Variants in JADE3 observed in about 807,000 individuals in gnomAD.
The protein encoded by JADE3 is protein Jade-3.
A neutral mutation model predicts 50.1 loss-of-function variants in JADE3; 2 were observed. That is an observed-to-expected ratio of 0.04 (90% CI 0.02 to 0.13). The LOEUF is 0.13. Ranked by LOEUF, JADE3 falls within the 10% of genes least tolerant of loss-of-function variation. The pLI is 1.00. For missense variants in JADE3, 475 were observed against 634.4 expected, an observed-to-expected ratio of 0.75 and a Z score of 2.70; for synonymous variants, 218 against 232.9, an observed-to-expected ratio of 0.94 and a Z score of 0.58.
At chrX:46,961,506 T>C (rs1336476192) in intron 1 of JADE3, among the ~76,000 whole-genome samples, 1 of 112,433 alleles carries the variant, frequency 8.9e-6, no homozygotes, top group African/African-American at 3.2e-5. Flanking sequence ...TTTTAATTTT[T>C]ATAGTTTTTC....
chrX:47,039,387 GTTCT>G (rs1355131224), intron 8 of JADE3, among the ~76,000 whole-genome samples: 4 of 83,132 alleles, frequency 4.8e-5, no homozygotes, highest in African/African-American at 7.0e-5. Context: ...CCAGGCCCAT[GTTCT>G]TTTTTTTTTT....
At chrX:47,051,120 G>T (rs1929494774) in intron 8 of JADE3, among the ~76,000 whole-genome samples, 1 of 110,342 alleles carries the variant, frequency 9.1e-6, no homozygotes, top group African/African-American at 3.3e-5. Context: ...AAGTGGAGGG[G>T]GAGGTGTATA....
chrX:47,038,000 AGTT>A (rs1408258593), intron 7 of JADE3, among the ~76,000 whole-genome samples: 1 of 110,210 alleles, frequency 9.1e-6, no homozygotes, highest in African/African-American at 3.3e-5. Flanking sequence ...CCTTGAGTTC[AGTT>A]GTTTTTATTT....
chrX:47,012,240 A>G (rs1207956616), intron 4 of JADE3, among the ~76,000 whole-genome samples: 20 of 111,138 alleles, frequency 1.8e-4, no homozygotes, highest in South Asian at 3.8e-4. Flanking sequence ...CTCCCATTCT[A>G]TTGATTCTCT....
At chrX:47,052,741 T>G (rs1308663816) in intron 8 of JADE3, among the ~76,000 whole-genome samples, 1 of 109,694 alleles carries the variant, frequency 9.1e-6, no homozygotes, top group Non-Finnish European at 1.9e-5. Flanking sequence ...GAAACTAAAT[T>G]TTTTAATTAT....
chrX:47,029,601 G>A (rs1392991730), intron 6 of JADE3, among the ~76,000 whole-genome samples: 1 of 111,806 alleles, frequency 8.9e-6, no homozygotes, highest in East Asian at 2.8e-4. Context: ...TAGAAACCAG[G>A]GCTTAAGATT....
intron 1 of JADE3, among the ~76,000 whole-genome samples, chrX:46,931,530 T>C (rs1451363492): frequency 6.4e-5 from 7 of 110,208 alleles, no homozygotes; most frequent in Non-Finnish European, 1.3e-4. Flanking sequence ...CAAGCGATTC[T>C]CCTGCCTCAG....
Position 47,059,381 on chromosome X carries a change from A to G in JADE3, c.*304A>G, listed in dbSNP as rs1283671944. The G allele has an allele frequency of 2.6e-5, 6 of 233,298 alleles. No individual in the cohort carries two copies. In the Admixed American group the frequency reaches 3.9e-4, roughly 15 times the overall value. 19.2% of individuals were successfully genotyped at this position (233,298 alleles called of 1,213,427 possible). A position where few individuals can be genotyped will look rare whatever the true frequency, so the allele number is the denominator to read the frequency against. Reference sequence around the variant, plus strand: ...CCGGTTATATAACACATTGACAAGTATATGTATTAAGAGTCCTTGCATTGT... The same window carrying G: ...CCGGTTATATAACACATTGACAAGTGTATGTATTAAGAGTCCTTGCATTGT... On this transcript the variant is annotated 3_prime_UTR_variant, in exon 11 of 11. Transcript: ENST00000614628.
chrX:46,941,383 A>G (rs1376737484), intron 1 of JADE3, among the ~76,000 whole-genome samples: 13 of 111,300 alleles, frequency 1.2e-4, no homozygotes, highest in Non-Finnish European at 2.1e-4. Context: ...ATGTGTCTTT[A>G]TGGTAGAATA....
rs782555482 is a variant in JADE3 at position 46,923,393 on chromosome X, C to CTTTTTTTTTTTTTTTTTT, written c.-12+10685_-12+10702dup. On this transcript the variant is annotated intron_variant, in intron 1 of 10. Transcript: ENST00000614628. Reference sequence around the variant, plus strand: ...ATTTCTTTTCTCTCTCTCTCTCTCTCTTTTTTTTTTTTTTTTTTTTTTTTT... The same window carrying CTTTTTTTTTTTTTTTTTT: ...ATTTCTTTTCTCTCTCTCTCTCTCTCTTTTTTTTTTTTTTTTTTTTTTTTTTTTTTTTTTTTTTTTTTT... 3.7e-3 allele frequency among the ~76,000 whole-genome samples: 43 copies of CTTTTTTTTTTTTTTTTTT among 11,520 alleles called. 9 individuals carry two copies. The South Asian group carries it at 0.057, about 15-fold the overall frequency. 10.0% of individuals were successfully genotyped at this position (11,520 alleles called of 115,157 possible). A position where few individuals can be genotyped will look rare whatever the true frequency, so the allele number is the denominator to read the frequency against.
At chrX:46,983,620 G>A (rs1035489463) in intron 1 of JADE3, among the ~76,000 whole-genome samples, 2 of 111,407 alleles carry the variant, frequency 1.8e-5, no homozygotes, top group Non-Finnish European at 3.8e-5. Context: ...CTGTGTTCTT[G>A]GCTACTGTAC....
intron 7 of JADE3, among the ~76,000 whole-genome samples, chrX:47,035,235 A>T (rs1257757838): frequency 1.8e-5 from 2 of 111,288 alleles, no homozygotes; most frequent in Admixed American, 1.9e-4. Context: ...TGGGGAGCTG[A>T]CATTATATCA....
At chrX:46,961,669 A>G (rs782116619) in intron 1 of JADE3, among the ~76,000 whole-genome samples, 6 of 111,590 alleles carry the variant, frequency 5.4e-5, no homozygotes, top group Non-Finnish European at 7.5e-5. Context: ...TATGTAAAAT[A>G]CACTGGACGA....
intron 3 of JADE3, among the ~76,000 whole-genome samples, chrX:46,987,362 C>T (rs1488252156): frequency 1.8e-5 from 2 of 111,863 alleles, no homozygotes; most frequent in African/African-American, 6.5e-5. Context: ...GTGGCATCCC[C>T]ACCACATTTG....
chrX:47,055,417 C>CATTTGGCA lies in JADE3; in HGVS notation c.1444-663_1444-662insTTGGCAAT, dbSNP rs782692152. 6.1e-3 allele frequency among the ~76,000 whole-genome samples: 682 copies of CATTTGGCA among 111,850 alleles called. 7 individuals are homozygous for CATTTGGCA. Among genetic ancestry groups the CATTTGGCA allele is most frequent in the African/African-American group, 0.021 (641 of 30,793 alleles). ...CACTTTTAAAAATTTAAGACACTCA[C>CATTTGGCA]ATATAGCACCTACTATTACTATTAT... On this transcript the variant is annotated intron_variant, in intron 9 of 10. Transcript: ENST00000614628.
At chrX:46,995,444 G>A (rs1928106640) in intron 3 of JADE3, among the ~76,000 whole-genome samples, 1 of 111,362 alleles carries the variant, frequency 9.0e-6, no homozygotes, top group East Asian at 2.8e-4. Flanking sequence ...TTTTCTATAA[G>A]TCTCTCTCCC....
chrX:46,997,824 G>A (rs1928166509), intron 3 of JADE3, among the ~76,000 whole-genome samples: 1 of 112,206 alleles, frequency 8.9e-6, no homozygotes, highest in Non-Finnish European at 1.9e-5. Flanking sequence ...AGAAAGTTAA[G>A]GATTGTTTTA....
chrX:46,912,318 G>C (rs1925969659), upstream of JADE3: 1 of 112,386 alleles, frequency 8.9e-6, no homozygotes, highest in African/African-American at 3.2e-5. Flanking sequence ...CGCGCGGCGG[G>C]CAGACGGCTG....
At chrX:47,031,597 CG>C (rs782334412) in intron 6 of JADE3, among the ~76,000 whole-genome samples, 2 of 111,394 alleles carry the variant, frequency 1.8e-5, no homozygotes, top group Non-Finnish European at 3.8e-5. Flanking sequence ...TGATGCTGGC[CG>C]GGTGCTGTGA....
Sources: allele counts gnomAD v4.1 joint callset (sites outside exome capture counted in the v4.1 genomes callset), GRCh38; gene constraint gnomAD v4.1.1; transcripts MANE v1.5; gene names NCBI Gene and HGNC (gene_info 2026-07-23, HGNC 2026-07-21).